The following ZFX variants were observed in gnomAD, a reference collection of about 807,000 sequenced individuals.
The protein encoded by ZFX is zinc finger X-chromosomal protein.
For missense variants in ZFX, 362 were observed against 628.3 expected (o/e 0.58, Z 4.53); for synonymous variants, 196 against 226.8 (o/e 0.86, Z 1.22).
chrX:24,155,961 G>T (rs1412702753), intron 3 of ZFX, among the ~76,000 whole-genome samples: 1 of 111,975 alleles, frequency 8.9e-6, no homozygotes, highest in East Asian at 2.8e-4. Flanking sequence ...GTGGCACGTG[G>T]TCTGGGCTCA....
At position 24,205,722 on chromosome X, in the gene ZFX, C is replaced by T. The variant is rs184991424; in HGVS notation, c.647-1604C>T. On this transcript the variant is annotated intron_variant, in intron 5 of 9. Coordinates refer to ENST00000304543, the MANE Select transcript of ZFX (RefSeq NM_003410.4). ...TACAAAAATTAGCTGGGTGTGGTGG[C>T]GGGCATCTGTAATCCCAGCTTCTTG... Among the ~76,000 whole-genome samples the T allele has an allele frequency of 5.3e-3, 592 of 110,939 alleles. 4 individuals carry two copies. Among genetic ancestry groups the T allele is most frequent in the African/African-American group, 0.018 (538 of 30,571 alleles).
chrX:24,180,738 A>G (rs186213791), intron 5 of ZFX, among the ~76,000 whole-genome samples: 16 of 112,290 alleles, frequency 1.4e-4, no homozygotes, highest in African/African-American at 5.2e-4. Context: ...ATGTACTTAT[A>G]TAATATGTAA....
chrX:24,155,657 C>G (rs1308798150), intron 3 of ZFX, among the ~76,000 whole-genome samples: 1 of 112,314 alleles, frequency 8.9e-6, no homozygotes, highest in Non-Finnish European at 1.9e-5. Flanking sequence ...TGTGTTTGAT[C>G]CCGTTTCTCC....
chrX:24,189,460 A>G (rs1461651139), intron 5 of ZFX, among the ~76,000 whole-genome samples: 1 of 112,141 alleles, frequency 8.9e-6, no homozygotes, highest in Non-Finnish European at 1.9e-5. Context: ...CTCCTAATTA[A>G]GCATGACTTT....
At chrX:24,177,886 G>A (rs1337885311) in intron 4 of ZFX, 2 of 739,171 alleles carry the variant, frequency 2.7e-6, no homozygotes, top group Admixed American at 8.9e-5. Context: ...ATATAATGAA[G>A]GAAAATAGTA....
At chrX:24,151,999 C>CT (rs1486071451) in intron 2 of ZFX, among the ~76,000 whole-genome samples, 199 bp downstream of exon 2, 2 of 111,907 alleles carry the variant, frequency 1.8e-5, no homozygotes, top group Non-Finnish European at 3.8e-5. Flanking sequence ...CCGAAATAAT[C>CT]TTTTGCTCAG....
intron 1 of ZFX, among the ~76,000 whole-genome samples, chrX:24,151,175 T>A (rs917584939): frequency 6.2e-5 from 7 of 112,382 alleles, no homozygotes; most frequent in African/African-American, 2.3e-4. Flanking sequence ...AGCCTACTGT[T>A]AGCGATGCAC....
chrX:24,179,242 T>C lies in ZFX; in HGVS notation c.118T>C (p.Phe40Leu), dbSNP rs148822686. ...TGTTGTGGAAGTACAAGAAACTGTT[T>C]TTGTTTCAGATGTTGTGGATTCAGA... Reference protein sequence around the residue: ...QIVVEVQETVFVSDVVDSDIT... With the variant: ...QIVVEVQETVLVSDVVDSDIT... The change falls in exon 5 of 10, where the codon TTT (phenylalanine) becomes CTT (leucine). Residue 40 changes from phenylalanine (F) to leucine (L), a missense_variant. By Grantham distance (22) the Phe-to-Leu change is conservative. Transcript: ENST00000304543. 1.6e-5 allele frequency: 19 copies of C among 1,212,078 alleles called. No individual in the cohort carries two copies. Among genetic ancestry groups the C allele is most frequent in the Non-Finnish European group, 2.1e-5 (19 of 895,589 alleles).
At chrX:24,193,228 AT>A (rs1202885861) in intron 5 of ZFX, among the ~76,000 whole-genome samples, 1 of 112,579 alleles carries the variant, frequency 8.9e-6, no homozygotes, top group African/African-American at 3.2e-5. Context: ...AATGTGGTAT[AT>A]CCATACAATG....
intron 5 of ZFX, among the ~76,000 whole-genome samples, chrX:24,200,229 A>G (rs1022602066): frequency 2.7e-5 from 3 of 111,318 alleles, no homozygotes; most frequent in African/African-American, 9.8e-5. Context: ...GGTATTAGAC[A>G]TTTGAGGGGA....
chrX:24,169,333 G>T (rs762146330), intron 3 of ZFX, among the ~76,000 whole-genome samples: 1 of 111,480 alleles, frequency 9.0e-6, no homozygotes, highest in East Asian at 2.8e-4. Flanking sequence ...GGTTAATACT[G>T]CAGAGCCTTT....
At position 24,156,671 on chromosome X, in the gene ZFX, T is replaced by TTTTTTTTTTTTTG. The variant is rs1932808139; in HGVS notation, c.-29+3841_-29+3842insTTTTTTTTTTTTG. Among the ~76,000 whole-genome samples the TTTTTTTTTTTTTG allele has an allele frequency of 2.8e-5, 3 of 105,373 alleles. 1 individual carries two copies. The highest frequency in any genetic ancestry group is 1.1e-4 in the African/African-American group (3 of 28,150). The allele number at this position is 105,373 out of a possible 115,157, so 91.5% of individuals were successfully genotyped here. On this transcript the variant is annotated intron_variant, in intron 3 of 9. Transcript: ENST00000304543. ...GATTTAATAATAGCCTTTTTTTTTT[T>TTTTTTTTTTTTTG]GGAGACGGAGTTTTGCTCTGTCGCC...
chrX:24,149,839 C>G (rs868400043), intron 1 of ZFX, 45 bp downstream of exon 1: 1 of 109,705 alleles, frequency 9.1e-6, no homozygotes, highest in South Asian at 3.7e-4. Flanking sequence ...AGTGCGCGCA[C>G]AGCGGCCTGG....
intron 3 of ZFX, among the ~76,000 whole-genome samples, chrX:24,170,739 TA>T (rs1488721013): frequency 9.3e-6 from 1 of 107,491 alleles, no homozygotes; most frequent in African/African-American, 3.4e-5. Flanking sequence ...GCCTCCTGAG[TA>T]GCTGGGATTA....
chrX:24,200,263 A>G (rs1272688840), intron 5 of ZFX, among the ~76,000 whole-genome samples: 1 of 111,582 alleles, frequency 9.0e-6, no homozygotes, highest in Non-Finnish European at 1.9e-5. Context: ...AAAAGAGGAG[A>G]GAACAGAAAG....
intron 3 of ZFX, chrX:24,161,646 G>T (rs917317041): frequency 9.1e-6 from 1 of 109,396 alleles, no homozygotes; most frequent in East Asian, 2.9e-4. Flanking sequence ...AATTAAGGGA[G>T]AAGTGATACT....
At chrX:24,202,723 T>C (rs1327873232) in intron 5 of ZFX, among the ~76,000 whole-genome samples, 1 of 112,191 alleles carries the variant, frequency 8.9e-6, no homozygotes, top group East Asian at 2.8e-4. Context: ...AAAGCTTAGT[T>C]AACACAGTTG....
Position 24,207,456 on chromosome X carries a change from C to T in ZFX, c.777C>T (p.Asp259=). ...EVIKVYIFKA[D]PGEDDLGGTV... ...TCAAGGTGTACATTTTTAAAGCTGACCCTGGAGAAGATGACTTAGGTAAGA... is the reference window on the plus strand; with the variant it reads ...TCAAGGTGTACATTTTTAAAGCTGATCCTGGAGAAGATGACTTAGGTAAGA... The change falls in exon 6 of 10, where the codon GAC becomes GAT. Residue 259 remains aspartate (D), a synonymous_variant. Transcript: ENST00000304543. 1 of 1,207,280 alleles carries T rather than the reference C, an allele frequency of 8.3e-7. No homozygotes were observed. Among genetic ancestry groups the T allele is most frequent in the Non-Finnish European group, 1.1e-6 (1 of 894,503 alleles).
chrX:24,173,049 T>G (rs189832313), intron 4 of ZFX: 15 of 283,658 alleles, frequency 5.3e-5, no homozygotes, highest in African/African-American at 4.2e-4. Flanking sequence ...GTTATGAAGA[T>G]AATATCTTGA....
Sources: gnomAD v4.1 joint callset for allele counts (sites outside exome capture counted in the v4.1 genomes callset) on GRCh38, gnomAD v4.1.1 for gene constraint, MANE v1.5 for transcripts, NCBI Gene and HGNC (gene_info 2026-07-23, HGNC 2026-07-21) for gene names.